The following USH2A variants were observed in gnomAD, a reference collection of about 807,000 sequenced individuals.
USH2A encodes the protein usherin.
A neutral mutation model predicts 538.9 loss-of-function variants in USH2A; 443 were observed. The observed-to-expected ratio is 0.82, with a 90% CI of 0.76 to 0.89. The LOEUF is 0.89. USH2A is among the 40% of genes least tolerant of loss of function. The probability of loss-of-function intolerance (pLI) is 0.00; values close to 1 mark genes in which losing one functional copy is unlikely to be tolerated. For missense variants in USH2A, 6,633 were observed against 6,324.8 expected (o/e 1.05, Z -1.65); for synonymous variants, 2,413 against 2,273.5 (o/e 1.06, Z -1.75).
At chr1:215,946,599 GC>G (rs2102436624) in intron 37 of USH2A, among the ~76,000 whole-genome samples, 2 of 152,242 alleles carry the variant, frequency 1.3e-5, no homozygotes, top group African/African-American at 4.8e-5. Flanking sequence ...CAATAGTTTG[GC>G]ATTGATTTAA....
chr1:216,245,997 T>C (rs1298417171), intron 13 of USH2A, among the ~76,000 whole-genome samples: 1 of 152,178 alleles, frequency 6.6e-6, no homozygotes, highest in African/African-American at 2.4e-5. Flanking sequence ...AAATCTTAAA[T>C]GTAAGGAGAG....
chr1:215,719,388 G>GTTC (rs1659589018), intron 61 of USH2A, among the ~76,000 whole-genome samples: 1 of 138,482 alleles, frequency 7.2e-6, no homozygotes, highest in Non-Finnish European at 1.6e-5. Context: ...AAAAAAGCAT[G>GTTC]TTCTTGCTTC....
At chr1:215,871,323 C>T (rs978798299) in intron 43 of USH2A, among the ~76,000 whole-genome samples, 1 of 152,094 alleles carries the variant, frequency 6.6e-6, no homozygotes, top group African/African-American at 2.4e-5. Flanking sequence ...AATTAGAAAA[C>T]TAGATTATGT....
chr1:216,304,312 C>T (rs2037272906), intron 9 of USH2A, among the ~76,000 whole-genome samples: 1 of 151,892 alleles, frequency 6.6e-6, no homozygotes, highest in Non-Finnish European at 1.5e-5. Flanking sequence ...CTATGTAGTA[C>T]ATATTTTGGT....
At chr1:216,130,822 A>G (rs2033360877) in intron 21 of USH2A, among the ~76,000 whole-genome samples, 1 of 151,558 alleles carries the variant, frequency 6.6e-6, no homozygotes, top group Admixed American at 6.6e-5. Flanking sequence ...TCCTCTGGGT[A>G]GATGCCCAGG....
intron 11 of USH2A, among the ~76,000 whole-genome samples, chr1:216,285,124 C>A (rs1461762028): frequency 1.3e-5 from 2 of 152,160 alleles, no homozygotes; most frequent in Non-Finnish European, 2.9e-5. Flanking sequence ...TAACAAGAAG[C>A]CAAATGTTAA....
chr1:216,226,416 A>G (rs930106749), intron 14 of USH2A, among the ~76,000 whole-genome samples: 2 of 152,168 alleles, frequency 1.3e-5, no homozygotes, highest in Non-Finnish European at 2.9e-5. Flanking sequence ...TCTTCCTTTC[A>G]TCAAGCTAGG....
intron 27 of USH2A, among the ~76,000 whole-genome samples, chr1:216,075,993 A>G (rs1203498349): frequency 2.0e-5 from 3 of 152,162 alleles, no homozygotes; most frequent in Non-Finnish European, 4.4e-5. Flanking sequence ...CATTAAATGA[A>G]CATGATTTGT....
rs141858207 is a variant in USH2A at position 216,303,662 on chromosome 1, G to A, written c.1645-11292C>T. On this transcript the variant is annotated intron_variant, in intron 9 of 71. Coordinates refer to ENST00000307340, the MANE Select transcript of USH2A (RefSeq NM_206933.4). Reference sequence around the variant, plus strand: ...AATGTCTATACTATTTATATTATTTGTTAATTACTAATTGTTAGCCTGAAT... The same window carrying A: ...AATGTCTATACTATTTATATTATTTATTAATTACTAATTGTTAGCCTGAAT... Among the ~76,000 whole-genome samples, 688 of 151,742 alleles carry A rather than the reference G, an allele frequency of 4.5e-3. 1 individual carries two copies. The highest frequency in any genetic ancestry group is 8.4e-3 in the Non-Finnish European group (571 of 67,746).
At chr1:215,631,047 A>ATGT (rs1656267360) in intron 70 of USH2A, among the ~76,000 whole-genome samples, 1 of 152,210 alleles carries the variant, frequency 6.6e-6, no homozygotes, top group Non-Finnish European at 1.5e-5. Flanking sequence ...TTGATGAAAT[A>ATGT]CAAAAGACAC....
chr1:215,893,648 T>TA (rs5780863), intron 40 of USH2A, among the ~76,000 whole-genome samples: 6,241 of 152,218 alleles, frequency 0.041, 139 homozygotes, highest in Middle Eastern at 0.071. Flanking sequence ...AAAGTAAACA[T>TA]AAAAAACTTG....
chr1:215,675,454 C>T lies in USH2A; in HGVS notation c.12457G>A (p.Ala4153Thr), dbSNP rs145531316. The change falls in exon 63 of 72, where the codon GCC (alanine) becomes ACC (threonine). Residue 4153 changes from alanine to threonine, a missense_variant. Physicochemically the swap from Ala to Thr is moderately conservative, Grantham distance 58. Coordinates refer to ENST00000307340, the MANE Select transcript of USH2A (RefSeq NM_206933.4). ...SAPQPLWTDEAPPDSQLAPTV... is the reference protein window; with the variant it reads ...SAPQPLWTDETPPDSQLAPTV... The stretch of plus-strand genomic sequence containing the variant: ...GGAGCCAGCTGAGAGTCTGGAGGGG[C>T]TTCATCTGTCCACAGAGGCTGAGGC... 4.0e-5 allele frequency: 65 copies of T among 1,613,916 alleles called. No individual in the cohort carries two copies. The highest frequency in any genetic ancestry group is 4.7e-5 in the Non-Finnish European group (55 of 1,179,930).
chr1:216,225,898 C>T (rs554100700), intron 14 of USH2A, among the ~76,000 whole-genome samples: 45 of 152,064 alleles, frequency 3.0e-4, no homozygotes, highest in Non-Finnish European at 6.3e-4. Flanking sequence ...GGCTACAGGC[C>T]TAGAGTGCGT....
chr1:216,205,106 C>T (rs2035083028), intron 16 of USH2A, among the ~76,000 whole-genome samples: 1 of 152,158 alleles, frequency 6.6e-6, no homozygotes, highest in Non-Finnish European at 1.5e-5. Flanking sequence ...ATGCCTCTGG[C>T]TTGAATAATA....
chr1:216,165,967 C>T (rs534433626), intron 21 of USH2A, among the ~76,000 whole-genome samples: 1 of 152,212 alleles, frequency 6.6e-6, no homozygotes, highest in South Asian at 2.1e-4. Flanking sequence ...CCCCATCCCA[C>T]ACTTTCCCCT....
intron 37 of USH2A, 140 bp from the exon 38 acceptor site, chr1:215,934,935 G>A (rs1384088665): frequency 2.7e-6 from 2 of 749,774 alleles, no homozygotes; most frequent in African/African-American, 3.5e-5. Flanking sequence ...CATTACATGT[G>A]CTTCTATCAA....
chr1:215,890,541 T>C (rs1485952812), intron 40 of USH2A, among the ~76,000 whole-genome samples: 1 of 152,180 alleles, frequency 6.6e-6, no homozygotes, highest in East Asian at 1.9e-4. Flanking sequence ...TTTGGTAATG[T>C]ATCCTATTTG....
intron 4 of USH2A, among the ~76,000 whole-genome samples, chr1:216,349,111 T>C (rs1458896995): frequency 1.3e-5 from 2 of 152,158 alleles, no homozygotes; most frequent in South Asian, 4.1e-4. Flanking sequence ...TAAATACTTA[T>C]TAATCTTCCA....
intron 60 of USH2A, among the ~76,000 whole-genome samples, chr1:215,732,035 T>C (rs1007369761): frequency 2.0e-5 from 3 of 152,132 alleles, no homozygotes; most frequent in East Asian, 1.9e-4. Context: ...AATTAAAACA[T>C]AAAAATCATT....
Sources: gnomAD v4.1 joint callset for allele counts (sites outside exome capture counted in the v4.1 genomes callset) on GRCh38, gnomAD v4.1.1 for gene constraint, MANE v1.5 for transcripts, NCBI Gene and HGNC (gene_info 2026-07-23, HGNC 2026-07-21) for gene names.